PPP1R12A: variants seen among roughly 807,000 people sequenced by gnomAD.
PPP1R12A encodes protein phosphatase 1 regulatory subunit 12A, also known as myosin binding subunit.
Under a neutral mutation model 139.6 loss-of-function variants are expected in PPP1R12A, and 19 were observed. The observed-to-expected ratio is 0.14, with a 90% CI of 0.09 to 0.20. The LOEUF is 0.20. PPP1R12A is among the 10% of genes least tolerant of loss of function. The probability of loss-of-function intolerance (pLI) is 1.00; values close to 1 mark genes in which losing one functional copy is unlikely to be tolerated. For synonymous variants in PPP1R12A, 427 were observed against 420.6 expected (o/e 1.02, Z -0.19); for missense variants, 925 against 1,211.5 (o/e 0.76, Z 3.51).
intron 22 of PPP1R12A, among the ~76,000 whole-genome samples, chr12:79,784,006 G>A (rs1870797339): frequency 6.6e-6 from 1 of 152,152 alleles, no homozygotes; most frequent in South Asian, 2.1e-4. Flanking sequence ...TAGGGCAAGA[G>A]TCAAGGATTC....
intron 1 of PPP1R12A, among the ~76,000 whole-genome samples, chr12:79,912,817 C>A (rs909676364): frequency 6.6e-6 from 1 of 152,030 alleles, no homozygotes; most frequent in Non-Finnish European, 1.5e-5. Context: ...TAACAAAAAC[C>A]TTCAACAATC....
rs1184608817 is a variant in PPP1R12A, at chr12:79,796,944, G to C, written c.2299C>G (p.Gln767Glu). The change falls in exon 17 of 25, where the codon CAG becomes GAG. Residue 767 changes from glutamine (Q) to glutamate (E), a missense_variant. Transcript: ENST00000450142. ...KYSRTYDETY[Q>E]RYRPVSTSSS... ...GAAGTTGATACTGGCCTATAACGCTGGTAAGTCTGTGAAACATTAAGATCA... is the reference window on the plus strand; with the variant it reads ...GAAGTTGATACTGGCCTATAACGCTCGTAAGTCTGTGAAACATTAAGATCA... The C allele has an allele frequency of 3.7e-6, 6 of 1,603,214 alleles. No homozygotes were observed. Among genetic ancestry groups the C allele is most frequent in the African/African-American group, 1.4e-5 (1 of 73,992 alleles).
intron 1 of PPP1R12A, among the ~76,000 whole-genome samples, chr12:79,932,144 G>A (rs959529864): frequency 3.9e-5 from 6 of 152,104 alleles, no homozygotes; most frequent in African/African-American, 1.4e-4. Flanking sequence ...TACATTTTAG[G>A]TATTCTACGA....
intron 19 of PPP1R12A, among the ~76,000 whole-genome samples, chr12:79,792,680 G>A (rs1490651671): frequency 6.6e-6 from 1 of 151,998 alleles, no homozygotes; most frequent in Non-Finnish European, 1.5e-5. Flanking sequence ...AACTTTAAAA[G>A]CCAGACAATC....
chr12:79,872,363 T>C (rs992398011), intron 2 of PPP1R12A, among the ~76,000 whole-genome samples: 1 of 152,164 alleles, frequency 6.6e-6, no homozygotes, highest in Non-Finnish European at 1.5e-5. Context: ...TTCTAAAAAA[T>C]GTATTTTTTA....
At chr12:79,919,717 G>A (rs1887293581) in intron 1 of PPP1R12A, among the ~76,000 whole-genome samples, 1 of 152,102 alleles carries the variant, frequency 6.6e-6, no homozygotes, top group Non-Finnish European at 1.5e-5. Context: ...AGCTGTGTTA[G>A]GGCAGGGGCA....
At chr12:79,824,725 T>C (rs936394513) in intron 5 of PPP1R12A, among the ~76,000 whole-genome samples, 5 of 152,212 alleles carry the variant, frequency 3.3e-5, no homozygotes, top group African/African-American at 9.6e-5. Context: ...TATAAGGCTA[T>C]TATGCTTCAT....
intron 2 of PPP1R12A, among the ~76,000 whole-genome samples, chr12:79,857,212 G>A (rs181806452): frequency 6.6e-6 from 1 of 152,056 alleles, no homozygotes; most frequent in African/African-American, 2.4e-5. Context: ...ACTGGATTAA[G>A]AAAATGTGGC....
intron 1 of PPP1R12A, among the ~76,000 whole-genome samples, chr12:79,918,084 T>C: frequency 6.6e-6 from 1 of 152,160 alleles, no homozygotes; most frequent in East Asian, 1.9e-4. Context: ...AGAAATTCTT[T>C]ACTAATTCTT....
chr12:79,929,466 G>A (rs1177796525), intron 1 of PPP1R12A, among the ~76,000 whole-genome samples: 2 of 152,064 alleles, frequency 1.3e-5, no homozygotes, highest in Admixed American at 1.3e-4. Flanking sequence ...AAAGGAGGTC[G>A]ATATTAAGAA....
chr12:79,934,053 C>G (rs1439432084), intron 1 of PPP1R12A, among the ~76,000 whole-genome samples: 2 of 151,900 alleles, frequency 1.3e-5, no homozygotes. Flanking sequence ...CTTACTCTAC[C>G]CACTTCCATC....
chr12:79,894,127 CATA>C (rs750660378), intron 1 of PPP1R12A, among the ~76,000 whole-genome samples: 19 of 152,162 alleles, frequency 1.2e-4, no homozygotes, highest in Non-Finnish European at 2.4e-4. Flanking sequence ...AGTGACATAA[CATA>C]ATGAGACTGC....
intron 11 of PPP1R12A, among the ~76,000 whole-genome samples, chr12:79,807,908 G>A (rs1216719265): frequency 6.6e-6 from 1 of 151,670 alleles, no homozygotes; most frequent in African/African-American, 2.4e-5. Context: ...AGGGTGGCAG[G>A]TGCCTGTAAT....
At chr12:79,882,227 G>A (rs538641705) in intron 1 of PPP1R12A, among the ~76,000 whole-genome samples, 1 of 152,294 alleles carries the variant, frequency 6.6e-6, no homozygotes, top group East Asian at 1.9e-4. Context: ...TTCCTCTGAT[G>A]GATCTGGGCA....
intron 21 of PPP1R12A, chr12:79,787,998 T>C (rs1048989509): frequency 6.6e-6 from 1 of 152,182 alleles, no homozygotes; most frequent in African/African-American, 2.4e-5. Flanking sequence ...ATGAGTAGAA[T>C]CTCTCTACTT....
Position 79,832,372 on chromosome 12 carries a change from G to C in PPP1R12A, c.607C>G (p.Leu203Val). The C allele has an allele frequency of 6.2e-7, 1 of 1,613,444 alleles. No homozygotes were observed. Among genetic ancestry groups the C allele is most frequent in the Non-Finnish European group, 8.5e-7 (1 of 1,179,624 alleles). ...VRHAKSGGTA[L>V]HVAAAKGYTE... is the part of the protein sequence containing the mutation. ...TAGCCTTTAGCAGCTGCAACGTGAA[G>C]TGCTGTACCTCCAGATTTTGCATGC... Residue 203 changes from leucine (L) to valine (V), a missense_variant, in exon 4 of 25, where the codon CTT becomes GTT. Physicochemically the swap from Leu to Val is conservative, Grantham distance 32. Around this residue, in one of 4 missense-constraint regions of PPP1R12A, gnomAD observed 199 missense variants for 352.4 expected, o/e 0.56. Transcript: ENST00000450142.
At chr12:79,859,005 C>T (rs530025809) in intron 2 of PPP1R12A, among the ~76,000 whole-genome samples, 4 of 152,106 alleles carry the variant, frequency 2.6e-5, no homozygotes, top group South Asian at 2.1e-4. Flanking sequence ...ACGATCACTG[C>T]GGCTACTGTG....
intron 2 of PPP1R12A, among the ~76,000 whole-genome samples, chr12:79,856,552 G>A (rs910122353): frequency 1.1e-4 from 16 of 152,050 alleles, no homozygotes; most frequent in African/African-American, 3.4e-4. Flanking sequence ...AATGATATCC[G>A]TAATGTGTTA....
At chr12:79,800,635 T>C (rs1718502254) in intron 14 of PPP1R12A, among the ~76,000 whole-genome samples, 1 of 152,066 alleles carries the variant, frequency 6.6e-6, no homozygotes, top group African/African-American at 2.4e-5. Context: ...ACTGTATCTC[T>C]ATCTTCTATG....
Sources: allele counts gnomAD v4.1 joint callset (sites outside exome capture counted in the v4.1 genomes callset), GRCh38; gene constraint gnomAD v4.1.1; regional missense constraint gnomAD v4.1.1; transcripts MANE v1.5; gene names NCBI Gene and HGNC (gene_info 2026-07-23, HGNC 2026-07-21).